Variants in JMJD1C observed in about 807,000 individuals in gnomAD.
JMJD1C encodes the protein jumonji domain containing 1C, also known as jumonji domain-containing protein 1C.
In JMJD1C, 31 loss-of-function variants were observed where a neutral mutation model predicts 245.3. The ratio of observed to expected loss-of-function variants is 0.13; its 90% CI spans 0.09 to 0.17. The LOEUF (loss-of-function observed/expected upper bound fraction) is 0.17, where lower values mean the gene tolerates loss of function less well. Ranked by LOEUF, JMJD1C falls within the 10% of genes least tolerant of loss-of-function variation. JMJD1C has a pLI of 1.00. For synonymous variants in JMJD1C, 1,057 were observed against 1,017.4 expected, an observed-to-expected ratio of 1.04 and a Z score of -0.74; for missense variants, 2,691 against 3,000.2, an observed-to-expected ratio of 0.90 and a Z score of 2.41.
intron 2 of JMJD1C, among the ~76,000 whole-genome samples, chr10:63,361,577 TA>T (rs1271732516): frequency 6.6e-6 from 1 of 151,978 alleles, no homozygotes; most frequent in Non-Finnish European, 1.5e-5. Context: ...CAATTAAAAT[TA>T]AAAATCAGCT....
chr10:63,482,315 TATA>T (rs1205191137), intron 1 of JMJD1C, among the ~76,000 whole-genome samples: 4 of 152,184 alleles, frequency 2.6e-5, no homozygotes, highest in African/African-American at 9.7e-5. Context: ...TAAATGTCAG[TATA>T]ATATTTTAAT....
chr10:63,258,059 G>T (rs1211341759), intron 3 of JMJD1C, among the ~76,000 whole-genome samples: 1 of 152,056 alleles, frequency 6.6e-6, no homozygotes, highest in Non-Finnish European at 1.5e-5. Flanking sequence ...AAATATCCAC[G>T]AAAAAGGTTT....
Position 63,206,817 on chromosome 10 carries a change from C to A in JMJD1C, c.4852G>T (p.Ala1618Ser). The change falls in exon 10 of 26, where the codon GCC becomes TCC. Residue 1618 changes from alanine (A) to serine (S), a missense_variant. Ala to Ser is a moderately conservative substitution (Grantham distance 99). Transcript: ENST00000399262. ...GAGCCAGATTCATAAGTTCTTTTGG[C>A]TTTTCTCCTGTTGACTTTATCATCT... is the stretch of plus-strand genomic sequence containing the variant. ...VKDDKVNRRKAKRTYESGSES... is the reference protein window; with the variant it reads ...VKDDKVNRRKSKRTYESGSES... The A allele has an allele frequency of 1.2e-6, 2 of 1,600,980 alleles. No homozygotes were observed. Among genetic ancestry groups the A allele is most frequent in the Non-Finnish European group, 1.7e-6 (2 of 1,176,458 alleles).
In JMJD1C at chr10:63,214,463, A is replaced by G. The variant is rs759663060; in HGVS notation, c.1704T>C (p.Asp568=). 4.3e-6 allele frequency: 7 copies of G among 1,614,006 alleles called. No homozygotes were observed. In the South Asian group the frequency reaches 6.6e-5, roughly 15 times the overall value. ...KKDSDQSWVS[D]VVKVDLTQSS... ...ATTGGGTTAGATCCACTTTAACTAC[A>G]TCACTGACCCAGCTCTGGTCAGAAT... Residue 568 remains aspartate (D), a synonymous_variant, in exon 8 of 26, where the codon GAT becomes GAC. Coordinates refer to ENST00000399262, the MANE Select transcript of JMJD1C (RefSeq NM_032776.3).
At chr10:63,478,758 G>C (rs376257110) in intron 1 of JMJD1C, among the ~76,000 whole-genome samples, 11 of 152,240 alleles carry the variant, frequency 7.2e-5, no homozygotes, top group African/African-American at 2.4e-4. Context: ...TTAGTATTTA[G>C]GGTTTTTACT....
intron 3 of JMJD1C, among the ~76,000 whole-genome samples, chr10:63,257,208 CAG>C (rs1240524256): frequency 8.6e-6 from 1 of 115,952 alleles, no homozygotes; most frequent in Non-Finnish European, 1.6e-5. Context: ...GCCTGGGTGA[CAG>C]AGTGAGACTT....
chr10:63,455,022 G>T (rs1952321776), intron 1 of JMJD1C, among the ~76,000 whole-genome samples: 1 of 152,172 alleles, frequency 6.6e-6, no homozygotes, highest in East Asian at 1.9e-4. Context: ...TGCTCAGCTT[G>T]ATTACATATG....
chr10:63,202,929 C>A (rs1005788276), intron 10 of JMJD1C: 2 of 980,530 alleles, frequency 2.0e-6, no homozygotes, highest in Non-Finnish European at 1.2e-6. Context: ...CAGTCTATTT[C>A]TTTTTATTAT....
At position 63,334,654 on chromosome 10, in the gene JMJD1C, G is replaced by A. The variant is rs893290270; in HGVS notation, c.333+45664C>T. On this transcript the variant is annotated intron_variant, in intron 2 of 25. Coordinates refer to ENST00000399262, the MANE Select transcript of JMJD1C (RefSeq NM_032776.3). ...GAAGATCACCTGAGCCCAAGAGGTGGAGGTTGCAGCGAGCTGAGATTGTGC... is the reference window on the plus strand; with the variant it reads ...GAAGATCACCTGAGCCCAAGAGGTGAAGGTTGCAGCGAGCTGAGATTGTGC... 3.9e-5 allele frequency among the ~76,000 whole-genome samples: 6 copies of A among 152,126 alleles called. No homozygotes were observed. In the South Asian group the frequency reaches 1.2e-3, roughly 32 times the overall value.
chr10:63,202,848 T>C lies in JMJD1C; in HGVS notation c.5075-2171A>G, dbSNP rs936154957. 4 of 980,668 alleles carry C rather than the reference T, an allele frequency of 4.1e-6. No individual in the cohort carries two copies. The African/African-American group carries it at 7.0e-5, about 17-fold the overall frequency. The allele number at this position is 980,668 out of a possible 1,614,324, so 60.7% of individuals were successfully genotyped here. On this transcript the variant is annotated intron_variant, in intron 10 of 25. Transcript: ENST00000399262. The stretch of plus-strand genomic sequence containing the variant: ...ATAGAATTGTTATACTGCTGATAAA[T>C]TTTTATTTGGAACACTTGCTTCTAA...
In JMJD1C at chr10:63,194,421, T is replaced by A. The variant is rs746504929; in HGVS notation, c.5645-46A>T. 2.5e-6 allele frequency: 3 copies of A among 1,223,816 alleles called. No homozygotes were observed. The African/African-American group carries it at 4.4e-5, about 18-fold the overall frequency. 75.8% of individuals were successfully genotyped at this position (1,223,816 alleles called of 1,614,324 possible). ...TATATCACACTCATGGTTTCATAAT[T>A]ATAAATTGATAGTGTAAAGAACTTA... On this transcript the variant is annotated intron_variant, in intron 13 of 25. Coordinates refer to ENST00000399262, the MANE Select transcript of JMJD1C (RefSeq NM_032776.3).
rs147708565 is a variant in JMJD1C at position 63,204,690 on chromosome 10, A to G, written c.5074+1905T>C. Reference sequence around the variant, plus strand: ...TCCAATATTCAAGTAAATGGCAGGTATCCTTCGATGTTAATCCCCCTCTCT... The same window carrying G: ...TCCAATATTCAAGTAAATGGCAGGTGTCCTTCGATGTTAATCCCCCTCTCT... On this transcript the variant is annotated intron_variant, in intron 10 of 25. Coordinates refer to ENST00000399262, the MANE Select transcript of JMJD1C (RefSeq NM_032776.3). 1.0e-5 allele frequency: 10 copies of G among 985,430 alleles called. No homozygotes were observed. In the African/African-American group the frequency reaches 1.6e-4, roughly 15 times the overall value. 61.0% of individuals were successfully genotyped at this position (985,430 alleles called of 1,614,324 possible).
intron 1 of JMJD1C, among the ~76,000 whole-genome samples, chr10:63,392,865 T>TAAACACACACACAC (rs1564870616): frequency 3.8e-5 from 1 of 26,312 alleles, no homozygotes; most frequent in African/African-American, 1.7e-4. Flanking sequence ...AAAAAGTACA[T>TAAACACACACACAC]AAACACACAC....
intron 1 of JMJD1C, among the ~76,000 whole-genome samples, chr10:63,413,945 T>C (rs1949641265): frequency 6.6e-6 from 1 of 151,330 alleles, no homozygotes; most frequent in South Asian, 2.1e-4. Flanking sequence ...TACCTACTTT[T>C]ACAAAGACAT....
rs139016512 is a variant in JMJD1C at position 63,417,260 on chromosome 10, C to T, written c.169-36778G>A. Among the ~76,000 whole-genome samples, 491 of 152,238 alleles carry T rather than the reference C, an allele frequency of 3.2e-3. 2 individuals carry two copies. Among genetic ancestry groups the T allele is most frequent in the African/African-American group, 0.011 (476 of 41,560 alleles). ...GAAGTTAAATATGTTAAGAAGCATG[C>T]TCAATGTACATACATAGATGACGTA... On this transcript the variant is annotated intron_variant, in intron 1 of 25. Transcript: ENST00000399262.
intron 1 of JMJD1C, among the ~76,000 whole-genome samples, chr10:63,511,157 A>G (rs1461959511): frequency 6.6e-6 from 1 of 152,176 alleles, no homozygotes; most frequent in African/African-American, 2.4e-5. Context: ...TGGTATATTT[A>G]ACCACAGTGA....
chr10:63,354,854 T>C (rs1163359809), intron 2 of JMJD1C, among the ~76,000 whole-genome samples: 3 of 87,380 alleles, frequency 3.4e-5, no homozygotes, highest in African/African-American at 5.8e-5. Flanking sequence ...ATATCTACTT[T>C]AACAAAAAAA....
At chr10:63,245,406 A>G (rs1467750516) in intron 3 of JMJD1C, among the ~76,000 whole-genome samples, 1 of 150,982 alleles carries the variant, frequency 6.6e-6, no homozygotes, top group African/African-American at 2.4e-5. Flanking sequence ...TTATGGCAGA[A>G]GGCAAGGAGG....
chr10:63,395,632 T>G (rs1948435384), intron 1 of JMJD1C, among the ~76,000 whole-genome samples: 1 of 152,214 alleles, frequency 6.6e-6, no homozygotes, highest in African/African-American at 2.4e-5. Flanking sequence ...ATAACCTATA[T>G]TTACACAAAA....
Sources: gnomAD v4.1 joint callset for allele counts (sites outside exome capture counted in the v4.1 genomes callset) on GRCh38, gnomAD v4.1.1 for gene constraint, MANE v1.5 for transcripts, NCBI Gene and HGNC (gene_info 2026-07-23, HGNC 2026-07-21) for gene names.